USP9X: variants seen among roughly 807,000 people sequenced by gnomAD.
The protein encoded by USP9X is ubiquitin specific peptidase 9 X-linked.
USP9X carries 7 observed loss-of-function variants against 190.3 expected under a neutral mutation model. The observed-to-expected ratio is 0.04, with a 90% CI of 0.02 to 0.07. The LOEUF (loss-of-function observed/expected upper bound fraction) is 0.07, where lower values mean the gene tolerates loss of function less well. USP9X is among the 10% of genes least tolerant of loss of function. The probability of loss-of-function intolerance (pLI) is 1.00; values close to 1 mark genes in which losing one functional copy is unlikely to be tolerated. For missense variants in USP9X, 1,010 were observed against 1,916.9 expected (o/e 0.53, Z 8.83); for synonymous variants, 645 against 659.5 (o/e 0.98, Z 0.34).
intron 1 of USP9X, among the ~76,000 whole-genome samples, chrX:41,113,036 C>G (rs1354131360): frequency 1.8e-5 from 2 of 111,660 alleles, no homozygotes; most frequent in Non-Finnish European, 3.8e-5. Context: ...ATTTTAGTGT[C>G]CTTTCTCATG....
At chrX:41,155,102 TCA>T (rs1248847521) in intron 14 of USP9X, among the ~76,000 whole-genome samples, 1 of 111,990 alleles carries the variant, frequency 8.9e-6, no homozygotes, top group Non-Finnish European at 1.9e-5. Flanking sequence ...CATCAGGCTT[TCA>T]CAGTTTACTG....
At chrX:41,128,713 T>G (rs2062278804) in intron 2 of USP9X, among the ~76,000 whole-genome samples, 1 of 111,812 alleles carries the variant, frequency 8.9e-6, no homozygotes, top group African/African-American at 3.3e-5. Context: ...TCTAGATTAC[T>G]TATGATGCCT....
At chrX:41,162,033 A>G (rs2062638193) in intron 14 of USP9X, among the ~76,000 whole-genome samples, 1 of 111,475 alleles carries the variant, frequency 9.0e-6, no homozygotes, top group African/African-American at 3.3e-5. Context: ...GTCGTAATAT[A>G]TGGGGCTTTT....
intron 1 of USP9X, among the ~76,000 whole-genome samples, chrX:41,116,542 G>A (rs902407514): frequency 1.8e-5 from 2 of 112,173 alleles, no homozygotes; most frequent in African/African-American, 6.5e-5. Flanking sequence ...GATTTATTAA[G>A]AAAAGTAGTG....
Position 41,210,670 on chromosome X carries a change from G to A in USP9X, c.5177G>A (p.Gly1726Asp). Residue 1726 changes from glycine to aspartate, a missense_variant, in exon 33 of 45, where the codon GGC (glycine) becomes GAC (aspartate). Around this residue, in one of 11 missense-constraint regions of USP9X, gnomAD observed 120 missense variants for 342.7 expected, o/e 0.35. Transcript: ENST00000378308. ...TTTGCTGATCAGAAGATCTGCCAAG[G>A]CTGCCCACATAGGTAAGTACTAATT... The part of the protein sequence containing the change: ...GSFADQKICQ[G>D]CPHRYECEES... The A allele has an allele frequency of 1.7e-6, 2 of 1,210,098 alleles. No homozygotes were observed. Among genetic ancestry groups the A allele is most frequent in the Non-Finnish European group, 2.2e-6 (2 of 895,302 alleles).
chrX:41,205,889 T>TTA (rs2063089276), intron 32 of USP9X, among the ~76,000 whole-genome samples: 1 of 98,437 alleles, frequency 1.0e-5, no homozygotes, highest in African/African-American at 3.6e-5. Context: ...TTCTTTTTCT[T>TTA]TTTTTCTTTT....
At chrX:41,108,571 C>T (rs1244535836) in intron 1 of USP9X, among the ~76,000 whole-genome samples, 1 of 111,605 alleles carries the variant, frequency 9.0e-6, no homozygotes, top group Non-Finnish European at 1.9e-5. Flanking sequence ...TTACCATGAT[C>T]TCTCCTGTTT....
In USP9X at chrX:41,208,052, G is replaced by C. The variant is rs1470771138; in HGVS notation, c.5016-2457G>C. ...CTTATACTGGGTTTTTTTTTTTTTT[G>C]AGACAGAGTCTCACTCTGTGGCCCA... On this transcript the variant is annotated intron_variant, in intron 32 of 44. Transcript: ENST00000378308. Among the ~76,000 whole-genome samples, 33 of 91,359 alleles carry C rather than the reference G, an allele frequency of 3.6e-4. 1 individual carries two copies. The highest frequency in any genetic ancestry group is 6.1e-4 in the Non-Finnish European group (28 of 45,952). The allele number at this position is 91,359 out of a possible 115,157, so 79.3% of individuals were successfully genotyped here.
At chrX:41,219,968 G>C (rs750948904) in intron 38 of USP9X, among the ~76,000 whole-genome samples, 1 of 112,062 alleles carries the variant, frequency 8.9e-6, no homozygotes, top group East Asian at 2.8e-4. Flanking sequence ...CTGGGCAACA[G>C]AATGAGACCC....
intron 32 of USP9X, among the ~76,000 whole-genome samples, chrX:41,205,887 C>CTTTTTTTTT (rs751427663): frequency 6.9e-5 from 6 of 87,154 alleles, no homozygotes; most frequent in African/African-American, 2.4e-4. Flanking sequence ...TTTTCTTTTT[C>CTTTTTTTTT]TTTTTTTCTT....
chrX:41,119,341 CAAA>C (rs935593911), intron 1 of USP9X, among the ~76,000 whole-genome samples: 2 of 110,654 alleles, frequency 1.8e-5, no homozygotes, highest in African/African-American at 6.6e-5. Context: ...ACAACAACAA[CAAA>C]AAACCCAAAA....
intron 3 of USP9X, among the ~76,000 whole-genome samples, chrX:41,129,667 T>A (rs1318976297): frequency 8.9e-6 from 1 of 111,738 alleles, no homozygotes; most frequent in African/African-American, 3.3e-5. Flanking sequence ...AGAGTGAAGC[T>A]TTAAGCTTTT....
chrX:41,181,744 C>T (rs890303997), intron 21 of USP9X, among the ~76,000 whole-genome samples: 1 of 110,223 alleles, frequency 9.1e-6, no homozygotes, highest in Non-Finnish European at 1.9e-5. Flanking sequence ...CCACTGCGCC[C>T]GGCCCACACC....
At chrX:41,217,090 C>A in intron 35 of USP9X, 130 bp from the exon 36 acceptor site, 1 of 722,126 alleles carries the variant, frequency 1.4e-6, no homozygotes, top group Non-Finnish European at 1.9e-6. Flanking sequence ...ATAAATGGGT[C>A]TAAATTAAAG....
chrX:41,132,034 G>A (rs1280190120), intron 4 of USP9X, among the ~76,000 whole-genome samples: 1 of 111,215 alleles, frequency 9.0e-6, no homozygotes, highest in East Asian at 2.8e-4. Flanking sequence ...AGGATGTGTG[G>A]CTCTTTGTAC....
chrX:41,150,824 A>C, intron 12 of USP9X, 97 bp from the exon 13 acceptor site: 2 of 897,590 alleles, frequency 2.2e-6, no homozygotes, highest in Non-Finnish European at 3.0e-6. Context: ...TGCTAATCTT[A>C]AAAGAAAAGC....
In USP9X at chrX:41,172,089, C is replaced by A. The variant is rs1310771664; in HGVS notation, c.3148+131C>A. 7.1e-6 allele frequency: 5 copies of A among 702,125 alleles called. No homozygotes were observed. The Middle Eastern group carries it at 1.2e-3, about 162-fold the overall frequency. 57.9% of individuals were successfully genotyped at this position (702,125 alleles called of 1,213,427 possible). A position where few individuals can be genotyped will look rare whatever the true frequency, so the allele number is the denominator to read the frequency against. On this transcript the variant is annotated intron_variant, in intron 21 of 44. Coordinates refer to ENST00000378308, the MANE Select transcript of USP9X (RefSeq NM_001039591.3). Reference sequence around the variant, plus strand: ...GAGTTGACAGATGACAGCCCACAAGCCACATCAAGCCCCCTGCTTGTTTTT... The same window carrying A: ...GAGTTGACAGATGACAGCCCACAAGACACATCAAGCCCCCTGCTTGTTTTT...
rs2062711480 is a variant in USP9X at position 41,170,019 on chromosome X, T to G, written c.2661T>G (p.Ser887=). The change falls in exon 19 of 45, where the codon TCT becomes TCG. Residue 887 remains serine (S), a synonymous_variant. Coordinates refer to ENST00000378308, the MANE Select transcript of USP9X (RefSeq NM_001039591.3). ...MSRAFRGKHL[S]FVVRFPNQGR... is the part of the protein sequence containing the mutation. The stretch of plus-strand genomic sequence containing the variant: ...GAGCATTCCGCGGTAAACACCTCTC[T>G]TTTGTAGTTCGATTTCCAAACCAGG... The G allele has an allele frequency of 3.3e-6, 4 of 1,211,916 alleles. No individual in the cohort carries two copies. Among genetic ancestry groups the G allele is most frequent in the Non-Finnish European group, 3.4e-6 (3 of 895,463 alleles).
At position 41,234,544 on chromosome X, in the gene USP9X, T is replaced by C. The variant is rs1249474554; in HGVS notation, c.*2020T>C. 1 of 111,812 alleles carries C rather than the reference T, an allele frequency of 8.9e-6. No homozygotes were observed. The highest frequency in any genetic ancestry group is 2.8e-4 in the East Asian group (1 of 3,597). The allele number at this position is 111,812 out of a possible 1,213,427, so 9.2% of individuals were successfully genotyped here. On this transcript the variant is annotated 3_prime_UTR_variant, in exon 45 of 45. Transcript: ENST00000378308. ...CGGTGTTTGCAATTCCAACTGATTTTTGTTTTGTTTTTATTTTTTTGTTGT... is the reference window on the plus strand; with the variant it reads ...CGGTGTTTGCAATTCCAACTGATTTCTGTTTTGTTTTTATTTTTTTGTTGT...
Sources: allele counts gnomAD v4.1 joint callset (sites outside exome capture counted in the v4.1 genomes callset), GRCh38; gene constraint gnomAD v4.1.1; regional missense constraint gnomAD v4.1.1; transcripts MANE v1.5; gene names NCBI Gene and HGNC (gene_info 2026-07-23, HGNC 2026-07-21).